SLC35F1: variants seen among roughly 807,000 people sequenced by gnomAD.
SLC35F1 encodes the protein solute carrier family 35 member F1.
SLC35F1 carries 14 observed loss-of-function variants against 48.7 expected under a neutral mutation model. The ratio of observed to expected loss-of-function variants is 0.29; its 90% CI spans 0.19 to 0.45. SLC35F1 has a LOEUF of 0.45. Among genes scored for constraint, SLC35F1 ranks in the 20% least tolerant of loss-of-function variants. SLC35F1 has a pLI of 1.00. For synonymous variants in SLC35F1, 190 were observed against 202.2 expected (o/e 0.94, Z 0.51); for missense variants, 404 against 500.0 (o/e 0.81, Z 1.83).
At chr6:118,082,590 T>C (rs1772927618) in intron 1 of SLC35F1, among the ~76,000 whole-genome samples, 1 of 152,116 alleles carries the variant, frequency 6.6e-6, no homozygotes, top group African/African-American at 2.4e-5. Context: ...GGATTTTTTT[T>C]TTTTTCATAA....
chr6:118,041,206 T>C (rs1772214707), intron 1 of SLC35F1, among the ~76,000 whole-genome samples: 1 of 152,206 alleles, frequency 6.6e-6, no homozygotes, highest in Non-Finnish European at 1.5e-5. Context: ...TATTAAAATA[T>C]GAAGATTTAT....
chr6:118,213,583 G>T (rs1217936086), intron 2 of SLC35F1, among the ~76,000 whole-genome samples: 3 of 152,096 alleles, frequency 2.0e-5, no homozygotes, highest in Non-Finnish European at 4.4e-5. Context: ...GTCCCACAAT[G>T]AGAAAAATGG....
chr6:118,137,059 T>A (rs1773807937), intron 1 of SLC35F1, among the ~76,000 whole-genome samples: 1 of 152,220 alleles, frequency 6.6e-6, no homozygotes, highest in African/African-American at 2.4e-5. Context: ...ATCATGTGAA[T>A]AGAGCTCTGC....
At chr6:118,066,665 G>A (rs9387550) in intron 1 of SLC35F1, among the ~76,000 whole-genome samples, 35,287 of 151,494 alleles carry the variant, frequency 0.23, 4,307 homozygotes, top group East Asian at 0.34. Context: ...TTGTTTTGCA[G>A]CAAGAGAAAG....
At chr6:118,161,008 A>G (rs968071668) in intron 2 of SLC35F1, among the ~76,000 whole-genome samples, 3 of 151,990 alleles carry the variant, frequency 2.0e-5, no homozygotes, top group African/African-American at 7.3e-5. Context: ...TTCTCTACAG[A>G]AATACTACAT....
At chr6:118,043,894 C>G (rs186258849) in intron 1 of SLC35F1, among the ~76,000 whole-genome samples, 3 of 152,250 alleles carry the variant, frequency 2.0e-5, no homozygotes, top group Non-Finnish European at 2.9e-5. Flanking sequence ...TTAAATCAGG[C>G]CTTTTAGAGG....
chr6:118,108,413 G>T (rs1290030756), intron 1 of SLC35F1, among the ~76,000 whole-genome samples: 1 of 152,042 alleles, frequency 6.6e-6, no homozygotes, highest in Non-Finnish European at 1.5e-5. Context: ...TTTTAAAATG[G>T]TGATTTATCA....
intron 1 of SLC35F1, among the ~76,000 whole-genome samples, chr6:117,921,727 T>C (rs1438022697): frequency 6.6e-6 from 1 of 152,214 alleles, no homozygotes; most frequent in East Asian, 1.9e-4. Flanking sequence ...AAAGAGACCC[T>C]AATTATTACT....
At chr6:118,165,233 C>A (rs1256775325) in intron 2 of SLC35F1, among the ~76,000 whole-genome samples, 1 of 152,194 alleles carries the variant, frequency 6.6e-6, no homozygotes, top group Non-Finnish European at 1.5e-5. Flanking sequence ...AGAATTACTT[C>A]CCACCCTTTC....
At chr6:118,073,851 A>T (rs1319585210) in intron 1 of SLC35F1, among the ~76,000 whole-genome samples, 1 of 152,180 alleles carries the variant, frequency 6.6e-6, no homozygotes, top group Admixed American at 6.5e-5. Context: ...TTATTTGTTA[A>T]ATTGGTCCAC....
At chr6:118,306,527 C>T (rs1338075642) in intron 7 of SLC35F1, among the ~76,000 whole-genome samples, 1 of 152,176 alleles carries the variant, frequency 6.6e-6, no homozygotes, top group Non-Finnish European at 1.5e-5. Context: ...TCTTGTGATG[C>T]AAAAGTCCAA....
At chr6:117,914,063 C>T (rs2114795445) in intron 1 of SLC35F1, among the ~76,000 whole-genome samples, 1 of 151,524 alleles carries the variant, frequency 6.6e-6, no homozygotes, top group Admixed American at 6.6e-5. Flanking sequence ...AAAAATCCCC[C>T]CAAAAACAAA....
chr6:118,015,480 G>A (rs927965642), intron 1 of SLC35F1, among the ~76,000 whole-genome samples: 1 of 151,186 alleles, frequency 6.6e-6, no homozygotes, highest in Non-Finnish European at 1.5e-5. Flanking sequence ...AGTATCTGTT[G>A]TTCCCCTTTT....
intron 7 of SLC35F1, among the ~76,000 whole-genome samples, chr6:118,301,151 T>A (rs559448439): frequency 2.6e-4 from 39 of 152,316 alleles, no homozygotes; most frequent in African/African-American, 8.7e-4. Context: ...CTCTGATGCT[T>A]ACTGCAGAGC....
At chr6:118,144,785 T>C (rs1303499633) in intron 1 of SLC35F1, among the ~76,000 whole-genome samples, 24 of 152,116 alleles carry the variant, frequency 1.6e-4, no homozygotes, top group Admixed American at 1.6e-3. Context: ...TAAGCTTCAT[T>C]AATTTTTAAC....
At chr6:118,139,165 C>T (rs111615949) in intron 1 of SLC35F1, among the ~76,000 whole-genome samples, 8 of 152,152 alleles carry the variant, frequency 5.3e-5, no homozygotes, top group South Asian at 2.1e-4. Flanking sequence ...CAGGCTGGAG[C>T]GCAGTGGTGT....
chr6:117,943,845 G>A (rs145166796), intron 1 of SLC35F1, among the ~76,000 whole-genome samples: 1 of 152,148 alleles, frequency 6.6e-6, no homozygotes, highest in Non-Finnish European at 1.5e-5. Flanking sequence ...TCTGGCTTTA[G>A]TTGTTTTTCT....
intron 2 of SLC35F1, among the ~76,000 whole-genome samples, chr6:118,171,867 A>G (rs1189781420): frequency 1.3e-5 from 2 of 152,106 alleles, no homozygotes; most frequent in Admixed American, 1.3e-4. Context: ...CTCTTGTTTC[A>G]TCTTCTCATG....
At chr6:118,182,489 C>CA (rs1407475773) in intron 2 of SLC35F1, among the ~76,000 whole-genome samples, 36 of 52,804 alleles carry the variant, frequency 6.8e-4, no homozygotes, top group South Asian at 6.3e-3. Context: ...GAGACCCTGT[C>CA]AAAAAAAAAA....
Sources: gnomAD v4.1 joint callset for allele counts (sites outside exome capture counted in the v4.1 genomes callset) on GRCh38, gnomAD v4.1.1 for gene constraint, MANE v1.5 for transcripts, NCBI Gene and HGNC (gene_info 2026-07-23, HGNC 2026-07-21) for gene names.